TMEM164: variants seen among roughly 807,000 people sequenced by gnomAD.
TMEM164 encodes the protein RP13-360B22.2.
In TMEM164, 4 loss-of-function variants were observed where a neutral mutation model predicts 18.8. The observed-to-expected ratio is 0.21, with a 90% CI of 0.10 to 0.49. TMEM164 has a LOEUF of 0.49. Among genes scored for constraint, TMEM164 ranks in the 20% least tolerant of loss-of-function variants. The pLI, the probability that TMEM164 is intolerant of heterozygous loss-of-function variation, is 0.98. For synonymous variants in TMEM164, 86 were observed against 101.7 expected, an observed-to-expected ratio of 0.85 and a Z score of 0.93; for missense variants, 108 against 239.9, an observed-to-expected ratio of 0.45 and a Z score of 3.63.
At chrX:110,106,855 A>G (rs1269041118) in intron 3 of TMEM164, among the ~76,000 whole-genome samples, 1 of 111,945 alleles carries the variant, frequency 8.9e-6, no homozygotes, top group African/African-American at 3.3e-5. Context: ...CTTGAGCCAG[A>G]TTTTTTAGTA....
chrX:110,124,365 G>A (rs1483211006), intron 4 of TMEM164, among the ~76,000 whole-genome samples: 2 of 111,633 alleles, frequency 1.8e-5, no homozygotes, highest in African/African-American at 3.3e-5. Flanking sequence ...AAAAAGAATC[G>A]GGGGGTAGGC....
intron 5 of TMEM164, among the ~76,000 whole-genome samples, chrX:110,150,153 C>G (rs1303655347): frequency 1.8e-5 from 2 of 112,243 alleles, no homozygotes; most frequent in African/African-American, 6.5e-5. Context: ...AACAAGCTGA[C>G]TGAGTTTGGG....
chrX:110,056,204 A>G (rs1291124480), intron 2 of TMEM164, among the ~76,000 whole-genome samples: 1 of 104,554 alleles, frequency 9.6e-6, no homozygotes, highest in Non-Finnish European at 2.0e-5. Context: ...CACCAGCCCT[A>G]AGCAATTGTT....
intron 3 of TMEM164, among the ~76,000 whole-genome samples, chrX:110,096,901 T>C (rs1343441368): frequency 2.7e-5 from 3 of 112,053 alleles, no homozygotes; most frequent in African/African-American, 6.5e-5. Context: ...AGGATTGCGC[T>C]ACAGCACCTC....
chrX:110,087,300 A>G (rs781415307), intron 3 of TMEM164, among the ~76,000 whole-genome samples: 23 of 111,780 alleles, frequency 2.1e-4, no homozygotes, highest in African/African-American at 6.5e-4. Context: ...GAATTTCACA[A>G]TGGGCTGGGA....
At position 110,129,735 on chromosome X, in the gene TMEM164, T is replaced by C. The variant is rs746732643; in HGVS notation, c.508-15063T>C. Among the ~76,000 whole-genome samples, 4 of 112,182 alleles carry C rather than the reference T, an allele frequency of 3.6e-5. No homozygotes were observed. The East Asian group carries it at 1.1e-3, about 31-fold the overall frequency. On this transcript the variant is annotated intron_variant, in intron 4 of 6. Coordinates refer to ENST00000372068, the MANE Select transcript of TMEM164 (RefSeq NM_032227.4). ...ACTTTCAGGAGCAACCAGGAGGACATTCTAATTCTATTCCTTGGTTGTCAG... is the reference window on the plus strand; with the variant it reads ...ACTTTCAGGAGCAACCAGGAGGACACTCTAATTCTATTCCTTGGTTGTCAG...
At chrX:110,010,201 C>T (rs1291992928) in intron 2 of TMEM164, among the ~76,000 whole-genome samples, 1 of 111,974 alleles carries the variant, frequency 8.9e-6, no homozygotes, top group Non-Finnish European at 1.9e-5. Flanking sequence ...TTGGACATGC[C>T]AACTTTCTTG....
intron 2 of TMEM164, among the ~76,000 whole-genome samples, chrX:110,017,405 C>CCTTTCTTT (rs1555984532): frequency 0.013 from 204 of 15,282 alleles, 8 homozygotes; most frequent in African/African-American, 0.022. Context: ...CCACCTCCTT[C>CCTTTCTTT]CTTTCTTTCT....
At chrX:110,095,297 C>T (rs147700537) in intron 3 of TMEM164, among the ~76,000 whole-genome samples, 9,969 of 111,728 alleles carry the variant, frequency 0.089, 457 homozygotes, top group African/African-American at 0.18. Context: ...TCCATTCTCC[C>T]CATCACTTTC....
intron 3 of TMEM164, among the ~76,000 whole-genome samples, chrX:110,104,960 A>G (rs530700814): frequency 8.9e-6 from 1 of 112,085 alleles, no homozygotes; most frequent in South Asian, 3.7e-4. Flanking sequence ...CTAACCAAAT[A>G]TAAGTCTGCC....
chrX:110,009,309 TTTCCATA>T (rs1344122670), intron 2 of TMEM164, among the ~76,000 whole-genome samples: 2 of 112,241 alleles, frequency 1.8e-5, no homozygotes, highest in African/African-American at 6.5e-5. Context: ...CTACGAAACC[TTTCCATA>T]GGAGCCTGAC....
At chrX:110,152,915 A>G (rs1412406391) in intron 5 of TMEM164, among the ~76,000 whole-genome samples, 2 of 111,201 alleles carry the variant, frequency 1.8e-5, no homozygotes, top group Non-Finnish European at 3.8e-5. Context: ...GTGGCCCCCC[A>G]TCTTCCCCAG....
chrX:110,121,155 C>G (rs1194714253), intron 4 of TMEM164, among the ~76,000 whole-genome samples: 1 of 112,552 alleles, frequency 8.9e-6, no homozygotes, highest in Non-Finnish European at 1.9e-5. Flanking sequence ...CTTGTTCTCT[C>G]TTTGACTTCA....
intron 3 of TMEM164, among the ~76,000 whole-genome samples, chrX:110,100,128 T>C (rs916662570): frequency 9.0e-6 from 1 of 111,705 alleles, no homozygotes; most frequent in Non-Finnish European, 1.9e-5. Flanking sequence ...ATCACGTCCA[T>C]TGCAAATAAG....
At chrX:110,116,849 TGTGCGC>T (rs1569336173) in intron 4 of TMEM164, among the ~76,000 whole-genome samples, 1 of 103,442 alleles carries the variant, frequency 9.7e-6, no homozygotes, top group South Asian at 4.6e-4. Context: ...TGTGTGTGTG[TGTGCGC>T]GTGTGCGTGT....
intron 4 of TMEM164, among the ~76,000 whole-genome samples, chrX:110,117,855 G>A (rs1480333371): frequency 8.9e-6 from 1 of 111,935 alleles, no homozygotes; most frequent in East Asian, 2.8e-4. Context: ...TTCTAGGATT[G>A]TTGGTTTATT....
intron 2 of TMEM164, among the ~76,000 whole-genome samples, chrX:110,042,071 A>G (rs994991309): frequency 9.0e-6 from 1 of 111,530 alleles, no homozygotes; most frequent in African/African-American, 3.3e-5. Flanking sequence ...TTAAGTGTAC[A>G]CTTCGGTAGC....
intron 2 of TMEM164, among the ~76,000 whole-genome samples, chrX:110,034,315 C>T (rs1934665555): frequency 8.9e-6 from 1 of 112,206 alleles, no homozygotes; most frequent in Non-Finnish European, 1.9e-5. Flanking sequence ...TAAGGCTCTT[C>T]ATGATGTGGA....
At position 110,036,267 on chromosome X, in the gene TMEM164, A is replaced by G. The variant is rs980006618; in HGVS notation, c.391-31080A>G. Among the ~76,000 whole-genome samples the G allele has an allele frequency of 2.7e-5, 3 of 111,018 alleles. No individual in the cohort carries two copies. In the South Asian group the frequency reaches 1.1e-3, roughly 42 times the overall value. On this transcript the variant is annotated intron_variant, in intron 2 of 6. Coordinates refer to ENST00000372068, the MANE Select transcript of TMEM164 (RefSeq NM_032227.4). ...TTCTGGCTCCTTCTGTTAAAATTCT[A>G]CTTATTCTTTAGGGCTCAATCCTAT...
Sources: allele counts gnomAD v4.1 joint callset (sites outside exome capture counted in the v4.1 genomes callset), GRCh38; gene constraint gnomAD v4.1.1; transcripts MANE v1.5; gene names NCBI Gene and HGNC (gene_info 2026-07-23, HGNC 2026-07-21).